Variants in NLGN1 observed in about 807,000 individuals in gnomAD.
The protein encoded by NLGN1 is neuroligin 1.
NLGN1 carries 12 observed loss-of-function variants against 65.5 expected under a neutral mutation model. That is an observed-to-expected ratio of 0.18 (90% CI 0.12 to 0.30). NLGN1 has a LOEUF of 0.30. NLGN1 is among the 10% of genes least tolerant of loss of function. The pLI is 1.00. For synonymous variants in NLGN1, 350 were observed against 359.5 expected (o/e 0.97, Z 0.30); for missense variants, 750 against 1,007.1 (o/e 0.74, Z 3.46).
chr3:173,849,796 C>T (rs1360460868), intron 4 of NLGN1, among the ~76,000 whole-genome samples: 1 of 152,084 alleles, frequency 6.6e-6, no homozygotes, highest in Non-Finnish European at 1.5e-5. Context: ...CTTCATGTTC[C>T]TCCTGCGATG....
At chr3:173,593,172 G>A (rs1748824323) in intron 2 of NLGN1, among the ~76,000 whole-genome samples, 1 of 152,070 alleles carries the variant, frequency 6.6e-6, no homozygotes, top group Non-Finnish European at 1.5e-5. Flanking sequence ...ATAGCTCTCT[G>A]TGTAATTGAC....
intron 4 of NLGN1, among the ~76,000 whole-genome samples, chr3:173,825,059 G>A (rs984365621): frequency 2.6e-5 from 4 of 151,984 alleles, no homozygotes; most frequent in African/African-American, 9.7e-5. Flanking sequence ...CACAAATTGT[G>A]CCCAAGAGAA....
At chr3:174,201,233 AC>A (rs1289174163) in intron 4 of NLGN1, among the ~76,000 whole-genome samples, 1 of 149,674 alleles carries the variant, frequency 6.7e-6, no homozygotes, top group Non-Finnish European at 1.5e-5. Flanking sequence ...ACAGAGTAAA[AC>A]CCTCTTTCGA....
chr3:173,736,622 G>C (rs1191315276), intron 3 of NLGN1, among the ~76,000 whole-genome samples: 1 of 151,616 alleles, frequency 6.6e-6, no homozygotes, highest in Non-Finnish European at 1.5e-5. Flanking sequence ...GCTTGGAGAG[G>C]GTTGCAGTAT....
chr3:173,404,985 A>G (rs939989086), intron 1 of NLGN1, among the ~76,000 whole-genome samples: 20 of 152,244 alleles, frequency 1.3e-4, no homozygotes, highest in Admixed American at 7.2e-4. Flanking sequence ...AGACAAATAG[A>G]TATAGATTTT....
intron 4 of NLGN1, among the ~76,000 whole-genome samples, chr3:174,032,272 G>A (rs994743764): frequency 7.9e-5 from 12 of 152,132 alleles, no homozygotes; most frequent in African/African-American, 2.7e-4. Context: ...TTAATGTGAA[G>A]GGAAATCTGT....
At chr3:173,415,232 G>A (rs999634463) in intron 1 of NLGN1, among the ~76,000 whole-genome samples, 3 of 152,084 alleles carry the variant, frequency 2.0e-5, no homozygotes, top group East Asian at 3.9e-4. Flanking sequence ...CAAGGCTTTC[G>A]GCAAAAACCT....
intron 4 of NLGN1, among the ~76,000 whole-genome samples, chr3:174,154,877 G>C (rs988592094): frequency 2.8e-4 from 34 of 119,650 alleles, no homozygotes; most frequent in Non-Finnish European, 2.0e-4. Flanking sequence ...ATATATAGTA[G>C]ATAGATATAA....
chr3:173,836,517 C>T (rs1216554254), intron 4 of NLGN1, among the ~76,000 whole-genome samples: 2 of 152,062 alleles, frequency 1.3e-5, no homozygotes, highest in Admixed American at 6.5e-5. Context: ...ATAAAATCCT[C>T]ATAATATGCT....
intron 1 of NLGN1, among the ~76,000 whole-genome samples, chr3:173,408,911 C>A (rs1256754591): frequency 1.6e-3 from 196 of 124,730 alleles, no homozygotes; most frequent in Non-Finnish European, 1.7e-3. Flanking sequence ...GACTCTGTCT[C>A]AAAAAAAAAA....
chr3:173,816,707 C>T (rs1426073878), intron 4 of NLGN1, among the ~76,000 whole-genome samples: 1 of 152,202 alleles, frequency 6.6e-6, no homozygotes, highest in Non-Finnish European at 1.5e-5. Context: ...AAACACTCTT[C>T]CTCTCTGTTC....
At chr3:173,842,452 T>A (rs1324434457) in intron 4 of NLGN1, among the ~76,000 whole-genome samples, 1 of 152,094 alleles carries the variant, frequency 6.6e-6, no homozygotes, top group Non-Finnish European at 1.5e-5. Flanking sequence ...ACAAGGCAAG[T>A]CCCTTCTGCC....
At chr3:173,447,438 A>G (rs976197063) in intron 2 of NLGN1, among the ~76,000 whole-genome samples, 72 of 152,268 alleles carry the variant, frequency 4.7e-4, no homozygotes, top group Middle Eastern at 3.4e-3. Context: ...CTGTTTTGGT[A>G]CCAGTACCAG....
chr3:173,813,302 A>C (rs1010557141), intron 4 of NLGN1, among the ~76,000 whole-genome samples: 1 of 152,220 alleles, frequency 6.6e-6, no homozygotes, highest in Non-Finnish European at 1.5e-5. Context: ...CAAAAGTCTC[A>C]TACTCCAAAA....
At chr3:173,779,306 T>G (rs559576934) in intron 3 of NLGN1, among the ~76,000 whole-genome samples, 1 of 56,748 alleles carries the variant, frequency 1.8e-5, no homozygotes, top group East Asian at 2.3e-4. Flanking sequence ...ATATTTATTT[T>G]CCTCTTAGAT....
intron 2 of NLGN1, among the ~76,000 whole-genome samples, chr3:173,500,482 A>G (rs1007003424): frequency 3.3e-5 from 5 of 152,050 alleles, no homozygotes; most frequent in African/African-American, 4.8e-5. Flanking sequence ...TTTTGCATCT[A>G]TGTTCATCAG....
chr3:174,050,833 A>G (rs1487156804), intron 4 of NLGN1, among the ~76,000 whole-genome samples: 2 of 152,082 alleles, frequency 1.3e-5, no homozygotes, highest in Non-Finnish European at 2.9e-5. Context: ...TATAATGGTG[A>G]CATGAGGACT....
intron 4 of NLGN1, among the ~76,000 whole-genome samples, chr3:174,089,319 A>C (rs1186854863): frequency 6.6e-6 from 1 of 152,140 alleles, no homozygotes; most frequent in African/African-American, 2.4e-5. Context: ...TTATCTAGCC[A>C]TTCTCAGTAC....
At chr3:174,076,704 AGAGAGAGAGAGAGAGAGAGAGTGTGTGT>A (rs1173388402) in intron 4 of NLGN1, among the ~76,000 whole-genome samples, 159 of 145,708 alleles carry the variant, frequency 1.1e-3, no homozygotes, top group African/African-American at 4.0e-3. Context: ...AGAGAGAGAG[AGAGAGAGAGAGAGAGAGAGAGTGTGTGT>A]GTGTGTGTGT....
Sources: allele counts gnomAD v4.1 joint callset (sites outside exome capture counted in the v4.1 genomes callset), GRCh38; gene constraint gnomAD v4.1.1; transcripts MANE v1.5; gene names NCBI Gene and HGNC (gene_info 2026-07-23, HGNC 2026-07-21).